The following NEK10 variants were observed in gnomAD, a reference collection of about 807,000 sequenced individuals.
NEK10 encodes serine/threonine-protein kinase Nek10.
NEK10 carries 122 observed loss-of-function variants against 159.8 expected under a neutral mutation model. The observed-to-expected ratio is 0.76, with a 90% CI of 0.66 to 0.89. The LOEUF is 0.89. Ranked by LOEUF, NEK10 falls within the 40% of genes least tolerant of loss-of-function variation. The pLI is 0.00. For missense variants in NEK10, 1,342 were observed against 1,323.1 expected (o/e 1.01, Z -0.22); for synonymous variants, 466 against 457.1 (o/e 1.02, Z -0.25).
Position 27,284,884 on chromosome 3 carries a change from G to A in NEK10, c.1867C>T (p.His623Tyr). Residue 623 changes from histidine (H) to tyrosine (Y), a missense_variant, in exon 21 of 36, where the codon CAT (histidine) becomes TAT (tyrosine). By Grantham distance (83) the His-to-Tyr change is moderately conservative (BLOSUM62 2). Transcript: ENST00000691995. ...GEHFSSLKEKHHHFTEERLWK... is the reference protein window; with the variant it reads ...GEHFSSLKEKYHHFTEERLWK... ...AGTCTTTCTTCAGTAAAATGGTGAT[G>A]TTTTTCCTTCAAAGAACTGAAATGC... 6.3e-7 allele frequency: 1 copy of A among 1,593,112 alleles called. No individual in the cohort carries two copies. Among genetic ancestry groups the A allele is most frequent in the Non-Finnish European group, 8.6e-7 (1 of 1,161,048 alleles).
At chr3:27,363,382 TC>T (rs1575947546) in intron 1 of NEK10, among the ~76,000 whole-genome samples, 1 of 152,308 alleles carries the variant, frequency 6.6e-6, no homozygotes, top group East Asian at 1.9e-4. Flanking sequence ...TTTGGCTCAT[TC>T]CCAGTATCTA....
At chr3:27,245,799 C>T (rs113353547) in intron 23 of NEK10, among the ~76,000 whole-genome samples, 2 of 152,130 alleles carry the variant, frequency 1.3e-5, no homozygotes, top group African/African-American at 2.4e-5. Context: ...CATGAGGAAA[C>T]TTCTTTTGAC....
intron 23 of NEK10, among the ~76,000 whole-genome samples, chr3:27,251,273 T>C (rs924467764): frequency 6.6e-6 from 1 of 152,190 alleles, no homozygotes; most frequent in Non-Finnish European, 1.5e-5. Flanking sequence ...TACCATGGTC[T>C]TTTTCCAATT....
At chr3:27,319,084 T>C (rs139337944) in intron 6 of NEK10, among the ~76,000 whole-genome samples, 291 of 152,274 alleles carry the variant, frequency 1.9e-3, no homozygotes, top group Non-Finnish European at 2.7e-3. Context: ...GGTTGGGGAA[T>C]GTAAGGGCTG....
chr3:27,142,692 T>C (rs1259813002), intron 30 of NEK10, among the ~76,000 whole-genome samples: 4 of 152,164 alleles, frequency 2.6e-5, no homozygotes, highest in Non-Finnish European at 5.9e-5. Flanking sequence ...ATATTTTGTT[T>C]TCAAGACATT....
chr3:27,128,353 T>A (rs1239204670), intron 32 of NEK10, among the ~76,000 whole-genome samples: 1 of 152,196 alleles, frequency 6.6e-6, no homozygotes, highest in Non-Finnish European at 1.5e-5. Context: ...AGGTGGCATA[T>A]AATGCCTGAT....
chr3:27,222,696 T>C (rs910125041), intron 23 of NEK10, among the ~76,000 whole-genome samples: 2 of 152,148 alleles, frequency 1.3e-5, no homozygotes, highest in Non-Finnish European at 2.9e-5. Flanking sequence ...CAGAGAGCTA[T>C]AAAAATATAT....
intron 5 of NEK10, among the ~76,000 whole-genome samples, chr3:27,341,557 C>A (rs2047205620): frequency 6.6e-6 from 1 of 152,030 alleles, no homozygotes; most frequent in South Asian, 2.1e-4. Context: ...CTAGCAGTAA[C>A]CCCAGGCTCA....
intron 31 of NEK10, among the ~76,000 whole-genome samples, chr3:27,132,299 C>T (rs1009595053): frequency 1.3e-5 from 2 of 152,146 alleles, no homozygotes; most frequent in Non-Finnish European, 2.9e-5. Flanking sequence ...TTGTGAAGAA[C>T]AGTCTTGACA....
chr3:27,155,870 A>G (rs938740892), intron 30 of NEK10, among the ~76,000 whole-genome samples: 2 of 152,200 alleles, frequency 1.3e-5, no homozygotes, highest in Non-Finnish European at 2.9e-5. Flanking sequence ...TGGAGGCATC[A>G]TACTACCTGA....
chr3:27,191,519 A>G (rs1296855445), intron 26 of NEK10, among the ~76,000 whole-genome samples: 3 of 152,262 alleles, frequency 2.0e-5, no homozygotes, highest in Non-Finnish European at 4.4e-5. Context: ...ATACTTAAAT[A>G]TCAAAACAAT....
At chr3:27,156,020 A>G (rs1252348624) in intron 30 of NEK10, among the ~76,000 whole-genome samples, 2 of 152,170 alleles carry the variant, frequency 1.3e-5, no homozygotes, top group Non-Finnish European at 2.9e-5. Context: ...CAAAGCAAAC[A>G]AAAACATAAA....
intron 22 of NEK10, among the ~76,000 whole-genome samples, chr3:27,259,092 G>A (rs2040161692): frequency 6.6e-6 from 1 of 151,888 alleles, no homozygotes; most frequent in African/African-American, 2.4e-5. Flanking sequence ...AAATTTGAGG[G>A]AGTTCACTGT....
intron 25 of NEK10, chr3:27,194,125 C>CTTTTTTTTTTTTTTT (rs71091113): frequency 2.3e-5 from 3 of 128,180 alleles, no homozygotes; most frequent in African/African-American, 9.5e-5. Flanking sequence ...CAGAGAAATT[C>CTTTTTTTTTTTTTTT]TTTTTTTTTT....
chr3:27,212,319 T>C (rs1951078211), intron 23 of NEK10, among the ~76,000 whole-genome samples: 1 of 152,112 alleles, frequency 6.6e-6, no homozygotes, highest in Non-Finnish European at 1.5e-5. Flanking sequence ...TATAGATGTC[T>C]TAACCTGAAT....
intron 32 of NEK10, among the ~76,000 whole-genome samples, chr3:27,129,323 G>T (rs759411352): frequency 3.9e-5 from 6 of 152,092 alleles, no homozygotes; most frequent in Non-Finnish European, 8.8e-5. Flanking sequence ...AGGGACACAG[G>T]GCCCGTGGGT....
At chr3:27,255,079 A>C (rs1457529832) in intron 23 of NEK10, 4 of 160,114 alleles carry the variant, frequency 2.5e-5, no homozygotes, top group African/African-American at 9.6e-5. Flanking sequence ...TTTGACAATC[A>C]AATCTGTTCA....
chr3:27,279,987 G>A (rs984002205), intron 22 of NEK10, among the ~76,000 whole-genome samples: 1 of 151,378 alleles, frequency 6.6e-6, no homozygotes, highest in African/African-American at 2.4e-5. Flanking sequence ...GGCCAACATG[G>A]TGAAACCCCG....
intron 12 of NEK10, among the ~76,000 whole-genome samples, chr3:27,304,115 C>T (rs1236958843): frequency 6.6e-6 from 1 of 152,134 alleles, no homozygotes; most frequent in Non-Finnish European, 1.5e-5. Flanking sequence ...CTCCGTGCTC[C>T]TGACTTAGAA....
Sources: allele counts gnomAD v4.1 joint callset (sites outside exome capture counted in the v4.1 genomes callset), GRCh38; gene constraint gnomAD v4.1.1; transcripts MANE v1.5; gene names NCBI Gene and HGNC (gene_info 2026-07-23, HGNC 2026-07-21).